Variants in KAZN observed in about 807,000 individuals in gnomAD.
KAZN encodes kazrin, periplakin interacting protein, also known as kazrin.
Under a neutral mutation model 87.4 loss-of-function variants are expected in KAZN, and 40 were observed. The ratio of observed to expected loss-of-function variants is 0.46; its 90% CI spans 0.36 to 0.60. The LOEUF is 0.60. Among genes scored for constraint, KAZN ranks in the 20% least tolerant of loss-of-function variants. The pLI, the probability that KAZN is intolerant of heterozygous loss-of-function variation, is 0.00. For missense variants in KAZN, 898 were observed against 1,073.9 expected (o/e 0.84, Z 2.29); for synonymous variants, 466 against 458.3 (o/e 1.02, Z -0.22).
chr1:14,913,985 A>C (rs1239262312), intron 1 of KAZN, among the ~76,000 whole-genome samples: 1 of 152,198 alleles, frequency 6.6e-6, no homozygotes, highest in Non-Finnish European at 1.5e-5. Flanking sequence ...ACAGCCACTG[A>C]AAACGCGACC....
chr1:14,643,992 C>T (rs561379362), intron 1 of KAZN, among the ~76,000 whole-genome samples: 1 of 143,962 alleles, frequency 6.9e-6, no homozygotes, highest in African/African-American at 2.6e-5. Flanking sequence ...CTATTCATGT[C>T]CTTTGCCCAC....
At chr1:14,251,727 C>A (rs2100615368) in intron 2 of KAZN, among the ~76,000 whole-genome samples, 1 of 146,554 alleles carries the variant, frequency 6.8e-6, no homozygotes, top group African/African-American at 2.6e-5. Context: ...TGGCTCACTG[C>A]AGCCTTGACC....
At chr1:14,321,889 A>G (rs76412103) in intron 2 of KAZN, among the ~76,000 whole-genome samples, 12,433 of 152,218 alleles carry the variant, frequency 0.082, 551 homozygotes, top group African/African-American at 0.12. Context: ...GCAAAAGAAG[A>G]GAGCTTACCC....
intron 1 of KAZN, among the ~76,000 whole-genome samples, chr1:14,100,565 G>A (rs1644227518): frequency 6.6e-6 from 1 of 152,212 alleles, no homozygotes; most frequent in African/African-American, 2.4e-5. Flanking sequence ...TCTCAGCAAT[G>A]AGCTGTGACA....
At chr1:14,383,453 A>G (rs1450490429) in intron 2 of KAZN, among the ~76,000 whole-genome samples, 3 of 151,952 alleles carry the variant, frequency 2.0e-5, no homozygotes, top group Non-Finnish European at 4.4e-5. Context: ...TTTTAGGTCT[A>G]ACATTTAAGT....
intron 1 of KAZN, among the ~76,000 whole-genome samples, chr1:14,110,308 A>G (rs1644473449): frequency 6.6e-6 from 1 of 152,118 alleles, no homozygotes; most frequent in South Asian, 2.1e-4. Flanking sequence ...TCATTTTTGG[A>G]GGCCAAATCC....
chr1:14,086,403 C>T (rs1643857074), intron 1 of KAZN, among the ~76,000 whole-genome samples: 1 of 152,150 alleles, frequency 6.6e-6, no homozygotes. Context: ...TCCCTGTTTC[C>T]ATGCGGTCTC....
In KAZN at chr1:14,255,076, C is replaced by T. The variant is rs138485136; in HGVS notation, c.249+74484C>T. On this transcript the variant is annotated intron_variant, in intron 2 of 16. Coordinates refer to the KAZN transcript ENST00000636203. ...CAGAGGTTGCAGTGAGCTGAGATTG[C>T]GCCACTGCACTCCAGTCTGGGCAAC... Among the ~76,000 whole-genome samples, 704 of 143,436 alleles carry T rather than the reference C, an allele frequency of 4.9e-3. 1 individual carries two copies. The highest frequency in any genetic ancestry group is 0.012 in the African/African-American group (449 of 38,382). The allele number at this position is 143,436 out of a possible 152,430, so 94.1% of individuals were successfully genotyped here.
chr1:14,047,037 TTGTC>T (rs370245351), intron 1 of KAZN, among the ~76,000 whole-genome samples: 23 of 152,336 alleles, frequency 1.5e-4, no homozygotes, highest in East Asian at 1.2e-3. Context: ...ATTTATTCCT[TTGTC>T]TGTCCACCCA....
chr1:14,758,483 T>A (rs1040705226), intron 1 of KAZN, among the ~76,000 whole-genome samples: 3,641 of 37,954 alleles, frequency 0.096, 168 homozygotes, highest in African/African-American at 0.32. Context: ...AATTTTTTAA[T>A]TTTTTTTTTT....
At chr1:14,903,454 T>C (rs1656158589) in intron 1 of KAZN, among the ~76,000 whole-genome samples, 1 of 152,182 alleles carries the variant, frequency 6.6e-6, no homozygotes, top group African/African-American at 2.4e-5. Flanking sequence ...CCCTCTGTCC[T>C]GGGGTACTCT....
intron 1 of KAZN, among the ~76,000 whole-genome samples, chr1:14,721,465 A>G (rs1277266205): frequency 1.3e-5 from 2 of 152,236 alleles, no homozygotes; most frequent in Non-Finnish European, 2.9e-5. Flanking sequence ...AGTTTCAGGT[A>G]TGTCCTTATT....
chr1:14,480,205 C>CA (rs960594352), intron 2 of KAZN, among the ~76,000 whole-genome samples: 1 of 152,230 alleles, frequency 6.6e-6, no homozygotes, highest in African/African-American at 2.4e-5. Context: ...TGCCATGGAG[C>CA]AAGGGTAGCA....
At chr1:14,339,145 T>C (rs985650577) in intron 2 of KAZN, among the ~76,000 whole-genome samples, 1 of 151,966 alleles carries the variant, frequency 6.6e-6, no homozygotes, top group Non-Finnish European at 1.5e-5. Flanking sequence ...GGATTCTTTA[T>C]AAAATAAGAA....
At chr1:15,061,442 C>G (rs991188040) in intron 6 of KAZN, 1 of 152,240 alleles carries the variant, frequency 6.6e-6, no homozygotes, top group African/African-American at 2.4e-5. Flanking sequence ...TTTAGATGGC[C>G]TCCTCAGAGT....
chr1:14,332,896 G>T (rs1219698541), intron 2 of KAZN, among the ~76,000 whole-genome samples: 1 of 152,144 alleles, frequency 6.6e-6, no homozygotes, highest in Non-Finnish European at 1.5e-5. Context: ...TTCTTTTTAA[G>T]TTCTGGGGTA....
chr1:14,626,356 C>T (rs932350046), intron 1 of KAZN, among the ~76,000 whole-genome samples: 2 of 152,228 alleles, frequency 1.3e-5, no homozygotes, highest in East Asian at 1.9e-4. Flanking sequence ...CTCCTAACAG[C>T]GTGCTTTTGT....
At chr1:14,231,954 G>C (rs1247197490) in intron 2 of KAZN, among the ~76,000 whole-genome samples, 1 of 152,144 alleles carries the variant, frequency 6.6e-6, no homozygotes, top group Non-Finnish European at 1.5e-5. Context: ...CAGCTTAAGG[G>C]AAGGGTCTGG....
rs187552053 is a variant in KAZN at position 14,374,727 on chromosome 1, G to A, written c.249+194135G>A. On this transcript the variant is annotated intron_variant, in intron 2 of 16. Coordinates refer to the KAZN transcript ENST00000636203. ...AGAATGTAGATTCCTGGTCAGGACC[G>A]CGGACTGCCCCTCGAGTGTAGTTTA... Among the ~76,000 whole-genome samples the A allele has an allele frequency of 2.4e-4, 37 of 152,248 alleles. No homozygotes were observed. In the East Asian group the frequency reaches 3.3e-3, roughly 14 times the overall value.
Sources: gnomAD v4.1 joint callset for allele counts (sites outside exome capture counted in the v4.1 genomes callset) on GRCh38, gnomAD v4.1.1 for gene constraint, MANE v1.5 for transcripts, NCBI Gene and HGNC (gene_info 2026-07-23, HGNC 2026-07-21) for gene names.